Variants in PCDHGA1 observed in about 807,000 individuals in gnomAD.
PCDHGA1 encodes the protein protocadherin gamma-A1.
PCDHGA1 carries 32 observed loss-of-function variants against 58.0 expected under a neutral mutation model. The ratio of observed to expected loss-of-function variants is 0.55; its 90% CI spans 0.42 to 0.74. The LOEUF (loss-of-function observed/expected upper bound fraction) is 0.74, where lower values mean the gene tolerates loss of function less well. PCDHGA1 is among the 30% of genes least tolerant of loss of function. PCDHGA1 has a pLI of 0.00. For synonymous variants in PCDHGA1, 498 were observed against 501.1 expected (o/e 0.99, Z 0.08); for missense variants, 1,205 against 1,182.3 (o/e 1.02, Z -0.28).
chr5:141,487,661 C>A lies in PCDHGA1; in HGVS notation c.2422-7146C>A. ...ACAAATGCTTGAGGGTTATTCTGATCCAGGCATATGGCTAGGCCATGTCCT... is the reference window on the plus strand; with the variant it reads ...ACAAATGCTTGAGGGTTATTCTGATACAGGCATATGGCTAGGCCATGTCCT... On this transcript the variant is annotated intron_variant, in intron 1 of 3. Transcript: ENST00000517417. This position sits in a 1 kb window ranked among gnomAD's most constrained non-coding sequence, Gnocchi z 5.0. The A allele has an allele frequency of 6.2e-7, 1 of 1,613,366 alleles. No homozygotes were observed. Among genetic ancestry groups the A allele is most frequent in the Non-Finnish European group, 8.5e-7 (1 of 1,179,646 alleles).
Position 141,332,989 on chromosome 5 carries a change from A to G in PCDHGA1, c.2305A>G (p.Ile769Val), listed in dbSNP as rs1241508317. The change falls in exon 1 of 4, where the codon ATT (isoleucine) becomes GTT (valine). Residue 769 changes from isoleucine (I) to valine (V), a missense_variant. Coordinates refer to ENST00000517417, the MANE Select transcript of PCDHGA1 (RefSeq NM_018912.3). The surrounding 1 kb of genome is among the most constrained non-coding windows in gnomAD (Gnocchi z 4.6). ...TGCGGACTCGCGGAAGAGCCACCTG[A>G]TTTTCCCCCAGCCCAACTATGCGGA... ...LTADSRKSHL[I>V]FPQPNYADTL... The G allele has an allele frequency of 4.3e-6, 7 of 1,613,872 alleles. No homozygotes were observed. In the Admixed American group the frequency reaches 1.2e-4, roughly 27 times the overall value.
At chr5:141,492,962 C>A (rs1197532146) in intron 1 of PCDHGA1, among the ~76,000 whole-genome samples, 2 of 152,258 alleles carry the variant, frequency 1.3e-5, no homozygotes, top group African/African-American at 2.4e-5. Flanking sequence ...CTATCTGACA[C>A]TCTAACAAGT....
At chr5:141,371,292 G>T (rs527250082) in intron 1 of PCDHGA1, 1 of 1,613,858 alleles carries the variant, frequency 6.2e-7, no homozygotes, top group South Asian at 1.1e-5. Flanking sequence ...TAAAACGGGG[G>T]AACTCACCAC....
At chr5:141,401,226 C>T (rs960294428) in intron 1 of PCDHGA1, among the ~76,000 whole-genome samples, 1 of 152,102 alleles carries the variant, frequency 6.6e-6, no homozygotes, top group African/African-American at 2.4e-5. Context: ...CCTGTAATCC[C>T]AGCTACTCAG....
chr5:141,404,174 C>A, intron 1 of PCDHGA1: 1 of 1,613,138 alleles, frequency 6.2e-7, no homozygotes, highest in Non-Finnish European at 8.5e-7. Flanking sequence ...GTTGACGGCC[C>A]AAATTCTTGA....
chr5:141,381,828 T>TTC (rs1777612038), intron 1 of PCDHGA1, among the ~76,000 whole-genome samples: 1 of 112,014 alleles, frequency 8.9e-6, no homozygotes, highest in Non-Finnish European at 1.8e-5. Context: ...TTCTTCTTCT[T>TTC]TTTTTTTTTT....
Position 141,413,864 on chromosome 5 carries a change from T to C in PCDHGA1, c.2421+80759T>C. 3 of 1,613,398 alleles carry C rather than the reference T, an allele frequency of 1.9e-6. No homozygotes were observed. The Admixed American group carries it at 5.0e-5, about 27-fold the overall frequency. ...GGTGACCCTCTCCGATCTGGCACTG[T>C]CCTTGTCAGTGTGACTGTCTTCGAT... On this transcript the variant is annotated intron_variant, in intron 1 of 3. Transcript: ENST00000517417.
chr5:141,344,038 C>T lies in PCDHGA1; in HGVS notation c.2421+10933C>T, dbSNP rs1757352434. On this transcript the variant is annotated intron_variant, in intron 1 of 3. Coordinates refer to ENST00000517417, the MANE Select transcript of PCDHGA1 (RefSeq NM_018912.3). ...AAGCGATTCACCGAAAAGGAAATGACCAATTGCCTGAGTTTCCGAAATGGC... is the reference window on the plus strand; with the variant it reads ...AAGCGATTCACCGAAAAGGAAATGATCAATTGCCTGAGTTTCCGAAATGGC... 3.9e-6 allele frequency: 6 copies of T among 1,549,962 alleles called. No individual in the cohort carries two copies. In the East Asian group the frequency reaches 1.4e-4, roughly 35 times the overall value.
chr5:141,372,041 C>T (rs779511565), intron 1 of PCDHGA1: 1 of 1,613,492 alleles, frequency 6.2e-7, no homozygotes, highest in South Asian at 1.1e-5. Flanking sequence ...TGAGCCTGCG[C>T]GTGTTGGTGG....
rs2099611311 is a variant in PCDHGA1 at position 141,485,311 on chromosome 5, G to A, written c.2422-9496G>A. 3.1e-6 allele frequency: 5 copies of A among 1,614,174 alleles called. No individual in the cohort carries two copies. The East Asian group carries it at 6.7e-5, about 22-fold the overall frequency. ...AGTCACAGGAAGGGACTTTTGTAGGGAATGTCGCTCAAGATTTCCTGCTGG... is the reference window on the plus strand; with the variant it reads ...AGTCACAGGAAGGGACTTTTGTAGGAAATGTCGCTCAAGATTTCCTGCTGG... On this transcript the variant is annotated intron_variant, in intron 1 of 3. Transcript: ENST00000517417. The surrounding 1 kb of genome is among the most constrained non-coding windows in gnomAD (Gnocchi z 5.7).
intron 1 of PCDHGA1, chr5:141,399,478 G>T (rs367753385): frequency 2.0e-5 from 32 of 1,613,894 alleles, no homozygotes; most frequent in Non-Finnish European, 2.6e-5. Context: ...TTTCCACCAG[G>T]CGTCCTACTT....
chr5:141,399,091 G>A (rs1299050213), intron 1 of PCDHGA1: 2 of 1,613,762 alleles, frequency 1.2e-6, no homozygotes, highest in South Asian at 1.1e-5. Context: ...GGATGGTGGT[G>A]GACTGGTTGC....
intron 1 of PCDHGA1, among the ~76,000 whole-genome samples, chr5:141,492,854 G>A (rs1361942466): frequency 6.6e-6 from 1 of 152,212 alleles, no homozygotes; most frequent in Non-Finnish European, 1.5e-5. Flanking sequence ...AAAGCCTCGA[G>A]CGCCCTGGCT....
intron 1 of PCDHGA1, chr5:141,379,179 T>C (rs1440992563): frequency 6.6e-6 from 1 of 152,218 alleles, no homozygotes; most frequent in Non-Finnish European, 1.5e-5. Context: ...AAAGATAACA[T>C]TGAGTTGATG....
At chr5:141,458,567 TTTTGTTTG>T (rs144471304) in intron 1 of PCDHGA1, among the ~76,000 whole-genome samples, 1 of 151,488 alleles carries the variant, frequency 6.6e-6, no homozygotes, top group Non-Finnish European at 1.5e-5. Flanking sequence ...GGTTTTGGGT[TTTTGTTTG>T]TTTGTTTGTT....
At chr5:141,413,353 C>T (rs2095629361) in intron 1 of PCDHGA1, 2 of 1,613,844 alleles carry the variant, frequency 1.2e-6, no homozygotes, top group Middle Eastern at 1.6e-4. Context: ...GGGTCTGGCG[C>T]CCCGGGAGCT....
chr5:141,351,754 G>A, intron 1 of PCDHGA1: 2 of 1,613,608 alleles, frequency 1.2e-6, no homozygotes, highest in Non-Finnish European at 1.7e-6. Context: ...GGGAGCTGTT[G>A]TCCTACGTGT....
chr5:141,348,066 C>G (rs1386976646), intron 1 of PCDHGA1, among the ~76,000 whole-genome samples: 2 of 152,164 alleles, frequency 1.3e-5, no homozygotes, highest in Non-Finnish European at 2.9e-5. Flanking sequence ...TTGTCATGTT[C>G]TACAACTTTC....
chr5:141,355,943 A>G lies in PCDHGA1; in HGVS notation c.2421+22838A>G, dbSNP rs747714819. 9 of 1,613,862 alleles carry G rather than the reference A, an allele frequency of 5.6e-6. No homozygotes were observed. The East Asian group carries it at 1.8e-4, about 32-fold the overall frequency. ...CCCGTGTTCACTCAGCCCGAGTACC[A>G]CGTAAGTGTTCGTGAGAACGTTCCT... On this transcript the variant is annotated intron_variant, in intron 1 of 3. Coordinates refer to ENST00000517417, the MANE Select transcript of PCDHGA1 (RefSeq NM_018912.3).
Sources: allele counts gnomAD v4.1 joint callset (sites outside exome capture counted in the v4.1 genomes callset), GRCh38; gene constraint gnomAD v4.1.1; non-coding constraint Gnocchi (gnomAD v3.1); transcripts MANE v1.5; gene names NCBI Gene and HGNC (gene_info 2026-07-23, HGNC 2026-07-21).